NKAIN3: variants seen among roughly 807,000 people sequenced by gnomAD.
NKAIN3 encodes sodium/potassium transporting ATPase interacting 3.
NKAIN3 carries 25 observed loss-of-function variants against 30.2 expected under a neutral mutation model. That is an observed-to-expected ratio of 0.83 (90% CI 0.60 to 1.16). NKAIN3 has a LOEUF of 1.16. NKAIN3 is among the 50% of genes most tolerant of loss of function. The pLI, the probability that NKAIN3 is intolerant of heterozygous loss-of-function variation, is 0.00. For missense variants in NKAIN3, 225 were observed against 254.1 expected (o/e 0.89, Z 0.78); for synonymous variants, 91 against 89.6 (o/e 1.02, Z -0.09).
chr8:62,716,743 G>GAA (rs1182153747), intron 3 of NKAIN3, among the ~76,000 whole-genome samples: 8 of 141,244 alleles, frequency 5.7e-5, no homozygotes, highest in African/African-American at 2.1e-4. Context: ...ATTCTGAGAA[G>GAA]AAAAAAAAAA....
chr8:62,470,204 T>C (rs1257281117), intron 1 of NKAIN3, among the ~76,000 whole-genome samples: 1 of 152,192 alleles, frequency 6.6e-6, no homozygotes, highest in Non-Finnish European at 1.5e-5. Flanking sequence ...GGAGGTAATA[T>C]TGAAAGTAAT....
At chr8:62,696,512 C>A (rs1387386564) in intron 3 of NKAIN3, among the ~76,000 whole-genome samples, 1 of 152,012 alleles carries the variant, frequency 6.6e-6, no homozygotes, top group African/African-American at 2.4e-5. Context: ...TCATTCCTTC[C>A]TAGGAGCTAA....
chr8:62,258,963 A>G (rs1192990284), intron 1 of NKAIN3, among the ~76,000 whole-genome samples: 1 of 152,116 alleles, frequency 6.6e-6, no homozygotes, highest in East Asian at 1.9e-4. Context: ...TAGTTTGTGC[A>G]CTCTGTACAC....
At chr8:62,599,170 C>T (rs1387457901) in intron 3 of NKAIN3, among the ~76,000 whole-genome samples, 2 of 152,076 alleles carry the variant, frequency 1.3e-5, no homozygotes. Flanking sequence ...TGATCACAGC[C>T]TCCAGATATT....
At chr8:62,685,339 T>C (rs952748677) in intron 3 of NKAIN3, among the ~76,000 whole-genome samples, 5 of 152,184 alleles carry the variant, frequency 3.3e-5, no homozygotes, top group African/African-American at 1.2e-4. Context: ...GTTAAAAGGG[T>C]TCAGTCCTCA....
At chr8:62,285,156 GT>G (rs1456145563) in intron 1 of NKAIN3, among the ~76,000 whole-genome samples, 1 of 152,022 alleles carries the variant, frequency 6.6e-6, no homozygotes, top group African/African-American at 2.4e-5. Flanking sequence ...AGATGCTAAT[GT>G]CCCCCAAATC....
At chr8:62,684,464 G>A (rs1448198006) in intron 3 of NKAIN3, among the ~76,000 whole-genome samples, 4 of 152,184 alleles carry the variant, frequency 2.6e-5, no homozygotes, top group African/African-American at 2.4e-5. Flanking sequence ...TAGTCTGAGT[G>A]TGTATGGGGA....
chr8:62,478,357 A>T (rs1806589577), intron 1 of NKAIN3, among the ~76,000 whole-genome samples: 1 of 152,166 alleles, frequency 6.6e-6, no homozygotes, highest in Non-Finnish European at 1.5e-5. Context: ...AAGGTCACAG[A>T]CTCCAATGGC....
intron 1 of NKAIN3, among the ~76,000 whole-genome samples, chr8:62,453,921 G>C (rs1805728427): frequency 6.6e-6 from 1 of 152,060 alleles, no homozygotes; most frequent in South Asian, 2.1e-4. Context: ...GGATCAGACA[G>C]ATGCATAGCT....
intron 1 of NKAIN3, among the ~76,000 whole-genome samples, chr8:62,520,900 T>G (rs373276651): frequency 2.4e-4 from 37 of 151,802 alleles, no homozygotes; most frequent in African/African-American, 8.2e-4. Context: ...TTTAAATACT[T>G]CTAAATTTTG....
At chr8:62,747,801 A>G (rs369736606) in intron 4 of NKAIN3, among the ~76,000 whole-genome samples, 4 of 152,206 alleles carry the variant, frequency 2.6e-5, no homozygotes, top group Admixed American at 1.3e-4. Context: ...TTCAGACCCG[A>G]AAAGGACTTA....
In NKAIN3 at chr8:62,974,219, A is replaced by G. The variant is rs1175949659; in HGVS notation, c.*8812A>G. ...TGTGAAGAAAATCAATGTTAGTTTG[A>G]TGGGAATAGCATTGAATCTATAAAT... On this transcript the variant is annotated 3_prime_UTR_variant, in exon 7 of 7. Coordinates refer to ENST00000623646, the MANE Select transcript of NKAIN3 (RefSeq NM_001304533.3). Among the ~76,000 whole-genome samples, 1 of 152,164 alleles carries G rather than the reference A, an allele frequency of 6.6e-6. No homozygotes were observed. The highest frequency in any genetic ancestry group is 1.9e-4 in the East Asian group (1 of 5,180).
At chr8:62,515,669 C>T (rs192032204) in intron 1 of NKAIN3, among the ~76,000 whole-genome samples, 13 of 152,184 alleles carry the variant, frequency 8.5e-5, no homozygotes, top group Middle Eastern at 3.4e-3. Context: ...TTTCCAGAAA[C>T]GCTACATTAA....
At chr8:62,683,021 GT>G (rs146878511) in intron 3 of NKAIN3, among the ~76,000 whole-genome samples, 15,953 of 151,896 alleles carry the variant, frequency 0.11, 982 homozygotes, top group East Asian at 0.25. Context: ...TTGTTTGTTT[GT>G]TTTTTTGTTT....
At chr8:62,860,465 T>C (rs866116535) in intron 4 of NKAIN3, among the ~76,000 whole-genome samples, 1 of 152,246 alleles carries the variant, frequency 6.6e-6, no homozygotes, top group East Asian at 1.9e-4. Context: ...GTTTGCTTTT[T>C]TCTCCCTCGC....
chr8:62,574,067 C>T (rs1319406836), intron 1 of NKAIN3, among the ~76,000 whole-genome samples: 1 of 152,190 alleles, frequency 6.6e-6, no homozygotes, highest in Non-Finnish European at 1.5e-5. Context: ...ATTCTGCTCT[C>T]TGTCTCCATG....
chr8:62,992,103 A>G (rs746822070), intron 5 of NKAIN3, among the ~76,000 whole-genome samples: 61 of 151,396 alleles, frequency 4.0e-4, no homozygotes, highest in Non-Finnish European at 1.0e-4. Context: ...TCTGCAGCTT[A>G]CATCTCCCAG....
chr8:62,676,548 G>A (rs763105227), intron 3 of NKAIN3, among the ~76,000 whole-genome samples: 4 of 152,126 alleles, frequency 2.6e-5, no homozygotes, highest in African/African-American at 4.8e-5. Flanking sequence ...CAGCCTCCGC[G>A]ACAGAGCAAG....
chr8:62,894,914 G>A (rs1821389016), intron 4 of NKAIN3, among the ~76,000 whole-genome samples: 2 of 152,170 alleles, frequency 1.3e-5, no homozygotes, highest in African/African-American at 4.8e-5. Flanking sequence ...CAGGCAAGAA[G>A]AAGGAAGAAC....
Sources: allele counts gnomAD v4.1 joint callset (sites outside exome capture counted in the v4.1 genomes callset), GRCh38; gene constraint gnomAD v4.1.1; transcripts MANE v1.5; gene names NCBI Gene and HGNC (gene_info 2026-07-23, HGNC 2026-07-21).